The following WNT2 variants were observed in gnomAD, a reference collection of about 807,000 sequenced individuals.
WNT2 encodes protein Wnt-2.
In WNT2, 12 loss-of-function variants were observed where a neutral mutation model predicts 36.9. The observed-to-expected ratio is 0.33, with a 90% CI of 0.21 to 0.53. The LOEUF (loss-of-function observed/expected upper bound fraction) is 0.53, where lower values mean the gene tolerates loss of function less well. Among genes scored for constraint, WNT2 ranks in the 20% least tolerant of loss-of-function variants. The pLI, the probability that WNT2 is intolerant of heterozygous loss-of-function variation, is 0.95. For missense variants in WNT2, 379 were observed against 473.1 expected, an observed-to-expected ratio of 0.80 and a Z score of 1.84; for synonymous variants, 163 against 174.6, an observed-to-expected ratio of 0.93 and a Z score of 0.52.
intron 4 of WNT2, among the ~76,000 whole-genome samples, chr7:117,282,259 T>A (rs1554457250): frequency 6.6e-6 from 1 of 152,176 alleles, no homozygotes; most frequent in Non-Finnish European, 1.5e-5. Flanking sequence ...TGTGTCCATT[T>A]GTGAAAATTC....
intron 3 of WNT2, among the ~76,000 whole-genome samples, chr7:117,307,199 C>G (rs1795031426): frequency 6.6e-6 from 1 of 152,120 alleles, no homozygotes; most frequent in African/African-American, 2.4e-5. Flanking sequence ...TTATATTTCT[C>G]TGCTCTAACT....
chr7:117,318,205 A>G (rs929671003), intron 2 of WNT2, among the ~76,000 whole-genome samples: 6 of 152,182 alleles, frequency 3.9e-5, no homozygotes, highest in Non-Finnish European at 7.3e-5. Context: ...ATCTATGAGC[A>G]TATTTAGGTG....
At chr7:117,310,997 T>C (rs1419675324) in intron 3 of WNT2, among the ~76,000 whole-genome samples, 1 of 152,218 alleles carries the variant, frequency 6.6e-6, no homozygotes, top group Non-Finnish European at 1.5e-5. Flanking sequence ...CCACATTGAT[T>C]TAGTACCAAA....
intron 3 of WNT2, among the ~76,000 whole-genome samples, chr7:117,305,920 G>A (rs1795006024): frequency 6.6e-6 from 1 of 152,212 alleles, no homozygotes; most frequent in Admixed American, 6.5e-5. Flanking sequence ...TGCTCATGGG[G>A]AGAAGGGAGG....
At chr7:117,283,116 CTG>C (rs1411303918) in intron 4 of WNT2, among the ~76,000 whole-genome samples, 1 of 152,134 alleles carries the variant, frequency 6.6e-6, no homozygotes, top group Admixed American at 6.5e-5. Flanking sequence ...TTTGCTGTGA[CTG>C]TGGGGCATTC....
At chr7:117,310,141 C>T (rs1795093589) in intron 3 of WNT2, among the ~76,000 whole-genome samples, 1 of 152,138 alleles carries the variant, frequency 6.6e-6, no homozygotes, top group Non-Finnish European at 1.5e-5. Context: ...AGCTATCACT[C>T]TTTCAAAGTG....
At chr7:117,306,754 T>C (rs151307908) in intron 3 of WNT2, among the ~76,000 whole-genome samples, 2 of 152,360 alleles carry the variant, frequency 1.3e-5, no homozygotes, top group East Asian at 1.9e-4. Flanking sequence ...ATCTAAGTTT[T>C]ACTACGTGGC....
chr7:117,290,925 A>G (rs1453246202), intron 4 of WNT2, among the ~76,000 whole-genome samples: 3 of 152,386 alleles, frequency 2.0e-5, no homozygotes, highest in African/African-American at 7.2e-5. Flanking sequence ...AACTTCACAT[A>G]TTAGTATCTA....
At chr7:117,291,014 A>G (rs926776980) in intron 4 of WNT2, among the ~76,000 whole-genome samples, 2 of 152,172 alleles carry the variant, frequency 1.3e-5, no homozygotes, top group Non-Finnish European at 2.9e-5. Context: ...CTTGTTTTTA[A>G]TCAGCTGGTG....
chr7:117,322,773 G>A lies in WNT2; in HGVS notation c.83+134C>T. 9.8e-6 allele frequency: 8 copies of A among 813,218 alleles called. No individual in the cohort carries two copies. Among genetic ancestry groups the A allele is most frequent in the Non-Finnish European group, 1.6e-5 (8 of 486,450 alleles). 50.4% of individuals were successfully genotyped at this position (813,218 alleles called of 1,614,324 possible). On this transcript the variant is annotated intron_variant, in intron 1 of 4. Coordinates refer to ENST00000265441, the MANE Select transcript of WNT2 (RefSeq NM_003391.3). The surrounding 1 kb of genome is among the most constrained non-coding windows in gnomAD (Gnocchi z 5.4). ...GGGCTCACCATGGGGCGATAAGAGGGCAGTAGCCAGGGTTCGGGCCAGAAT... is the reference window on the plus strand; with the variant it reads ...GGGCTCACCATGGGGCGATAAGAGGACAGTAGCCAGGGTTCGGGCCAGAAT...
At chr7:117,300,335 G>C (rs1794879959) in intron 3 of WNT2, among the ~76,000 whole-genome samples, 1 of 151,990 alleles carries the variant, frequency 6.6e-6, no homozygotes. Flanking sequence ...TACAGGCGCG[G>C]GTCACCACGC....
chr7:117,289,768 CAT>C (rs1377288782), intron 4 of WNT2, among the ~76,000 whole-genome samples: 2 of 152,132 alleles, frequency 1.3e-5, no homozygotes, highest in African/African-American at 4.8e-5. Context: ...GTCACAAACA[CAT>C]GTTTATACAA....
rs1377852501 is a variant in WNT2, at chr7:117,277,867, C to T, written c.*288G>A. The T allele has an allele frequency of 2.3e-6, 1 of 437,042 alleles. No homozygotes were observed. The highest frequency in any genetic ancestry group is 3.9e-5 in the Admixed American group (1 of 25,858). 27.1% of individuals were successfully genotyped at this position (437,042 alleles called of 1,614,324 possible). A position where few individuals can be genotyped will look rare whatever the true frequency, so the allele number is the denominator to read the frequency against. On this transcript the variant is annotated 3_prime_UTR_variant, in exon 5 of 5. Transcript: ENST00000265441. ...AGGTGGGTGGAGACAGTGGTCTGGG[C>T]CCACCACCCTCCCGGCTGAACAGCC...
intron 2 of WNT2, among the ~76,000 whole-genome samples, chr7:117,319,377 G>A (rs1490210317): frequency 2.0e-5 from 3 of 152,228 alleles, no homozygotes; most frequent in Admixed American, 6.5e-5. Context: ...CTCTAAGAAT[G>A]AGAGTACTAC....
rs1318709406 is a variant in WNT2 at position 117,322,205 on chromosome 7, A to G, written c.83+702T>C. The stretch of plus-strand genomic sequence containing the variant: ...TTCAACATTCCATCACTATGCAAAA[A>G]TAAATAAATAAATTGCAGACCAACG... On this transcript the variant is annotated intron_variant, in intron 1 of 4. Transcript: ENST00000265441. This position sits in a 1 kb window ranked among gnomAD's most constrained non-coding sequence, Gnocchi z 5.4. 6.6e-6 allele frequency: 1 copy of G among 152,164 alleles called. No individual in the cohort carries two copies. Among genetic ancestry groups the G allele is most frequent in the Non-Finnish European group, 1.5e-5 (1 of 68,064 alleles). The allele number at this position is 152,164 out of a possible 1,614,324, so 9.4% of individuals were successfully genotyped here.
intron 3 of WNT2, among the ~76,000 whole-genome samples, chr7:117,302,363 T>C (rs1439021042): frequency 1.3e-5 from 2 of 152,176 alleles, no homozygotes; most frequent in Non-Finnish European, 2.9e-5. Flanking sequence ...TGTAAAAATG[T>C]CAATTTTTTT....
intron 4 of WNT2, among the ~76,000 whole-genome samples, chr7:117,288,161 G>T (rs1794620419): frequency 6.6e-6 from 1 of 152,082 alleles, no homozygotes; most frequent in African/African-American, 2.4e-5. Context: ...CAAAAACGTG[G>T]CACATTTTTA....
rs1441247155 is a variant in WNT2, at chr7:117,277,272, G to T, written c.*883C>A. 6.6e-6 allele frequency: 1 copy of T among 152,104 alleles called. No homozygotes were observed. The highest frequency in any genetic ancestry group is 1.5e-5 in the Non-Finnish European group (1 of 68,020). 9.4% of individuals were successfully genotyped at this position (152,104 alleles called of 1,614,324 possible). ...CTCCCTTTTTTTCTTGATCTGTACA[G>T]ATATACTTCTGATATTCCATCCACT... On this transcript the variant is annotated 3_prime_UTR_variant, in exon 5 of 5. Transcript: ENST00000265441.
intron 4 of WNT2, among the ~76,000 whole-genome samples, chr7:117,290,028 G>A (rs1367133643): frequency 2.6e-5 from 4 of 152,112 alleles, no homozygotes; most frequent in African/African-American, 7.2e-5. Context: ...GGGAAAACAA[G>A]TTTCAGGGGA....
Sources: gnomAD v4.1 joint callset for allele counts (sites outside exome capture counted in the v4.1 genomes callset) on GRCh38, gnomAD v4.1.1 for gene constraint, Gnocchi (gnomAD v3.1) non-coding constraint, MANE v1.5 for transcripts, NCBI Gene and HGNC (gene_info 2026-07-23, HGNC 2026-07-21) for gene names.